The following PLAAT3 variants were observed in gnomAD, a reference collection of about 807,000 sequenced individuals.
The protein encoded by PLAAT3 is Ca-independent phospholipase A1/2.
PLAAT3 carries 21 observed loss-of-function variants against 16.7 expected under a neutral mutation model. The observed-to-expected ratio is 1.26, with a 90% CI of 0.89 to 1.81. PLAAT3 has a LOEUF of 1.81. PLAAT3 is among the 40% of genes most tolerant of loss of function. PLAAT3 has a pLI of 0.00. For synonymous variants in PLAAT3, 76 were observed against 81.7 expected, an observed-to-expected ratio of 0.93 and a Z score of 0.38; for missense variants, 219 against 213.7, an observed-to-expected ratio of 1.02 and a Z score of -0.16.
In PLAAT3 at chr11:63,586,409, C is replaced by T. The variant is rs186060412; in HGVS notation, c.387+3691G>A. Among the ~76,000 whole-genome samples the T allele has an allele frequency of 2.0e-5, 3 of 152,348 alleles. No individual in the cohort carries two copies. In the East Asian group the frequency reaches 5.8e-4, roughly 29 times the overall value. ...CCAGCCTCCCAAAGTGCTGGGATTA[C>T]AGGCGTGAGCCACCACGCCCGGCCA... On this transcript the variant is annotated intron_variant, in intron 4 of 4. Coordinates refer to ENST00000415826, the MANE Select transcript of PLAAT3 (RefSeq NM_001128203.2).
At chr11:63,604,979 G>A (rs935400350) in intron 2 of PLAAT3, among the ~76,000 whole-genome samples, 5 of 152,108 alleles carry the variant, frequency 3.3e-5, no homozygotes, top group African/African-American at 1.2e-4. Flanking sequence ...GGGGCTAAGC[G>A]TGGTTTTTGT....
chr11:63,615,056 A>ATATATGTGTGTATATATGTG (rs1565259551), upstream of PLAAT3, among the ~76,000 whole-genome samples: 2 of 27,866 alleles, frequency 7.2e-5, 1 homozygote, highest in Non-Finnish European at 1.6e-4. Flanking sequence ...ATATATGTGT[A>ATATATGTGTGTATATATGTG]TATATATGTG....
At chr11:63,604,145 C>T (rs1390182258) in intron 2 of PLAAT3, among the ~76,000 whole-genome samples, 1 of 152,090 alleles carries the variant, frequency 6.6e-6, no homozygotes, top group Non-Finnish European at 1.5e-5. Context: ...AATATATATA[C>T]ATATAATAGA....
chr11:63,612,986 G>C (rs938496935), intron 2 of PLAAT3, among the ~76,000 whole-genome samples: 2 of 152,178 alleles, frequency 1.3e-5, no homozygotes, highest in Admixed American at 1.3e-4. Flanking sequence ...AAACAAACAT[G>C]CCAGATACAC....
At position 63,598,158 on chromosome 11, in the gene PLAAT3, C is replaced by A; in HGVS notation, c.21G>T (p.Glu7Asp). Residue 7 changes from glutamate (E) to aspartate (D), a missense_variant, in exon 3 of 5, where the codon GAG (glutamate) becomes GAT (aspartate). Coordinates refer to ENST00000415826, the MANE Select transcript of PLAAT3 (RefSeq NM_001128203.2). ...TCTCAATCAGGTCTCCAGGCTTAGG[C>A]TCTGGCTGCAAAACCAAGAACAGGG... MRAPIP[E>D]PKPGDLIEIF... The A allele has an allele frequency of 1.9e-6, 3 of 1,612,670 alleles. No individual in the cohort carries two copies. The highest frequency in any genetic ancestry group is 2.5e-6 in the Non-Finnish European group (3 of 1,178,662).
chr11:63,614,369 G>A lies in PLAAT3; in HGVS notation c.-55+16C>T. 2 of 311,238 alleles carry A rather than the reference G, an allele frequency of 6.4e-6. 1 individual carries two copies. Among genetic ancestry groups the A allele is most frequent in the South Asian group, 1.7e-4 (2 of 11,908 alleles). 19.3% of individuals were successfully genotyped at this position (311,238 alleles called of 1,614,324 possible). ...CGGCCTTATCGCACCCTTCCAGGAA[G>A]ACCCGATCCACCCACCTCGCGGTCT... On this transcript the variant is annotated intron_variant, in intron 1 of 4. Transcript: ENST00000415826.
rs1938643063 is a variant in PLAAT3 at position 63,609,549 on chromosome 11, AT to A, written c.15+4450del. ...GGAAGTGAAAGCTGTAAAAGCACTT[AT>A]GCCTACGAGAGGGTTGAGACCCCAT... On this transcript the variant is annotated intron_variant, in intron 2 of 4. Transcript: ENST00000415826. Among the ~76,000 whole-genome samples, 2 of 152,356 alleles carry A rather than the reference AT, an allele frequency of 1.3e-5. 1 individual carries two copies. The highest frequency in any genetic ancestry group is 3.9e-4 in the East Asian group (2 of 5,174).
At chr11:63,600,124 G>C (rs1318150783) in intron 2 of PLAAT3, among the ~76,000 whole-genome samples, 2 of 152,106 alleles carry the variant, frequency 1.3e-5, no homozygotes, top group East Asian at 3.8e-4. Flanking sequence ...TGGGAGCACA[G>C]GTGCACACCA....
intron 2 of PLAAT3, among the ~76,000 whole-genome samples, chr11:63,606,995 C>T (rs1938584347): frequency 6.6e-6 from 1 of 152,064 alleles, no homozygotes; most frequent in African/African-American, 2.4e-5. Flanking sequence ...AAGGAGGAGG[C>T]GGGAGCCTGC....
intron 3 of PLAAT3, among the ~76,000 whole-genome samples, chr11:63,596,440 C>T (rs964859254): frequency 2.8e-4 from 42 of 151,594 alleles, no homozygotes; most frequent in Admixed American, 5.3e-4. Context: ...GGGATGGTTT[C>T]GGGATGATTC....
chr11:63,579,142 T>C (rs1372966423), intron 4 of PLAAT3, among the ~76,000 whole-genome samples: 1 of 152,152 alleles, frequency 6.6e-6, no homozygotes, highest in East Asian at 1.9e-4. Context: ...TCACTGGCCA[T>C]CAGAGAAATG....
intron 3 of PLAAT3, among the ~76,000 whole-genome samples, chr11:63,593,002 C>T (rs1938190102): frequency 6.6e-6 from 1 of 152,146 alleles, no homozygotes; most frequent in African/African-American, 2.4e-5. Flanking sequence ...CTGTGACACA[C>T]CTGTCCACCT....
intron 2 of PLAAT3, chr11:63,598,840 T>G: frequency 2.3e-6 from 1 of 433,746 alleles, no homozygotes; most frequent in South Asian, 1.7e-5. Context: ...GATGCTAAGG[T>G]GTGCATGTTC....
At chr11:63,600,343 T>G (rs1251017750) in intron 2 of PLAAT3, among the ~76,000 whole-genome samples, 1 of 152,138 alleles carries the variant, frequency 6.6e-6, no homozygotes, top group Non-Finnish European at 1.5e-5. Flanking sequence ...TAAAATATTA[T>G]AATGGTTCAG....
At chr11:63,614,551 C>A (rs2030729), upstream of PLAAT3, 41,479 of 154,040 alleles carry the variant, frequency 0.27, 7,041 homozygotes, top group East Asian at 0.58. Context: ...GCAGGACGCC[C>A]GCGCCCCCGG....
upstream of PLAAT3, among the ~76,000 whole-genome samples, chr11:63,615,094 A>ATATGTGTG (rs1938811438): frequency 8.0e-6 from 1 of 124,310 alleles, no homozygotes; most frequent in African/African-American, 2.8e-5. Context: ...ATATGTGTAT[A>ATATGTGTG]TATGTGTATA....
intron 4 of PLAAT3, among the ~76,000 whole-genome samples, chr11:63,585,307 G>A (rs1179591229): frequency 6.6e-6 from 1 of 152,210 alleles, no homozygotes; most frequent in Non-Finnish European, 1.5e-5. Context: ...ACAGGCATGA[G>A]CCACTGCGCC....
chr11:63,595,292 GAAA>G (rs59751911), intron 3 of PLAAT3, among the ~76,000 whole-genome samples: 5 of 88,422 alleles, frequency 5.7e-5, no homozygotes, highest in East Asian at 6.0e-4. Flanking sequence ...CTCCGTCTCG[GAAA>G]AAAAAAAAAA....
At chr11:63,582,819 T>C (rs1937858852) in intron 4 of PLAAT3, among the ~76,000 whole-genome samples, 1 of 152,288 alleles carries the variant, frequency 6.6e-6, no homozygotes, top group Non-Finnish European at 1.5e-5. Context: ...CAAACTCTTC[T>C]CAACATTGGT....
Sources: allele counts gnomAD v4.1 joint callset (sites outside exome capture counted in the v4.1 genomes callset), GRCh38; gene constraint gnomAD v4.1.1; transcripts MANE v1.5; gene names NCBI Gene and HGNC (gene_info 2026-07-23, HGNC 2026-07-21).